PCDHA13: variants seen among roughly 807,000 people sequenced by gnomAD.
PCDHA13 encodes protocadherin alpha-13.
In PCDHA13, 54 loss-of-function variants were observed where a neutral mutation model predicts 64.8. The ratio of observed to expected loss-of-function variants is 0.83; its 90% CI spans 0.67 to 1.04. PCDHA13 has a LOEUF of 1.04. Ranked by LOEUF, PCDHA13 falls within the 50% of genes least tolerant of loss-of-function variation. PCDHA13 has a pLI of 0.00. For synonymous variants in PCDHA13, 587 were observed against 564.4 expected, an observed-to-expected ratio of 1.04 and a Z score of -0.57; for missense variants, 1,248 against 1,254.3, an observed-to-expected ratio of 0.99 and a Z score of 0.08.
In PCDHA13 at chr5:140,950,226, T is replaced by A. The variant is rs1478539445; in HGVS notation, c.2395-28723T>A. ...TGTTTACCTAGTCATTTACCATTTC[T>A]AGTGCCATTAATTTGTTCCTAAAGA... On this transcript the variant is annotated intron_variant, in intron 1 of 3. Coordinates refer to ENST00000289272, the MANE Select transcript of PCDHA13 (RefSeq NM_018904.3). 5.9e-5 allele frequency among the ~76,000 whole-genome samples: 9 copies of A among 152,018 alleles called. No homozygotes were observed. The East Asian group carries it at 1.7e-3, about 29-fold the overall frequency.
chr5:140,962,939 C>CA (rs2095722674), intron 1 of PCDHA13, among the ~76,000 whole-genome samples: 1 of 152,134 alleles, frequency 6.6e-6, no homozygotes, highest in African/African-American at 2.4e-5. Context: ...ACCTCCTCTC[C>CA]ATAAGATATG....
intron 1 of PCDHA13, among the ~76,000 whole-genome samples, chr5:140,949,684 C>T (rs116815984): frequency 0.023 from 3,563 of 151,738 alleles, 50 homozygotes; most frequent in Middle Eastern, 0.051. Context: ...CTTGTTGAAG[C>T]GTATTGTTGG....
chr5:140,974,944 T>C (rs1216786290), intron 1 of PCDHA13, among the ~76,000 whole-genome samples: 1 of 152,210 alleles, frequency 6.6e-6, no homozygotes, highest in African/African-American at 2.4e-5. Context: ...ACCTATTTGT[T>C]ATCTCACAGT....
Position 140,883,771 on chromosome 5 carries a change from G to A in PCDHA13, c.1503G>A (p.Glu501=), listed in dbSNP as rs782418376. 6.8e-6 allele frequency: 11 copies of A among 1,612,346 alleles called. No homozygotes were observed. The highest frequency in any genetic ancestry group is 1.3e-5 in the African/African-American group (1 of 74,862). The change falls in exon 1 of 4, where the codon GAG becomes GAA. Residue 501 remains glutamate (E), a synonymous_variant. Coordinates refer to ENST00000289272, the MANE Select transcript of PCDHA13 (RefSeq NM_018904.3). ...SYSLVERRVG[E]RALSSYVSVH... is the part of the protein sequence containing the mutation. ...CGCTGGTGGAGCGGCGGGTGGGCGA[G>A]CGTGCGCTGTCGAGCTACGTGTCGG...
intron 1 of PCDHA13, among the ~76,000 whole-genome samples, chr5:140,946,909 C>G (rs1290458457): frequency 6.6e-6 from 1 of 151,234 alleles, no homozygotes; most frequent in Non-Finnish European, 1.5e-5. Flanking sequence ...AGAATAAGTT[C>G]TGGTGTTTTA....
At chr5:140,893,987 T>A (rs112405686) in intron 1 of PCDHA13, among the ~76,000 whole-genome samples, 1 of 152,202 alleles carries the variant, frequency 6.6e-6, no homozygotes, top group Non-Finnish European at 1.5e-5. Context: ...TTTTAAAATA[T>A]CTCCAATTGT....
chr5:140,907,412 A>G (rs889699438), intron 1 of PCDHA13, among the ~76,000 whole-genome samples: 5 of 152,232 alleles, frequency 3.3e-5, no homozygotes, highest in Non-Finnish European at 7.3e-5. Flanking sequence ...GAATACCACG[A>G]TGGTGGATAA....
At chr5:140,922,016 AT>A (rs1213488839) in intron 1 of PCDHA13, among the ~76,000 whole-genome samples, 20 of 152,076 alleles carry the variant, frequency 1.3e-4, no homozygotes, top group Admixed American at 1.2e-3. Flanking sequence ...GTTTAAAAAA[AT>A]AAATATAAAA....
rs782034471 is a variant in PCDHA13 at position 141,010,170 on chromosome 5, T to G, written c.*233T>G. ...TCCACTCTGGCTTGTTTTCAGAACCTAAAAAGCAGACCCAAGTTTCCTTTC... is the reference window on the plus strand; with the variant it reads ...TCCACTCTGGCTTGTTTTCAGAACCGAAAAAGCAGACCCAAGTTTCCTTTC... On this transcript the variant is annotated 3_prime_UTR_variant, in exon 4 of 4. Transcript: ENST00000289272. 6.4e-7 allele frequency: 1 copy of G among 1,559,590 alleles called. No individual in the cohort carries two copies.
chr5:140,901,899 T>C (rs1439841120), intron 1 of PCDHA13, among the ~76,000 whole-genome samples: 2 of 152,152 alleles, frequency 1.3e-5, no homozygotes, highest in Non-Finnish European at 2.9e-5. Flanking sequence ...ATATTTTTCA[T>C]TGTGGAGATC....
At chr5:140,903,429 G>T (rs782504374) in intron 1 of PCDHA13, among the ~76,000 whole-genome samples, 2 of 152,180 alleles carry the variant, frequency 1.3e-5, no homozygotes, top group South Asian at 4.1e-4. Context: ...AGCACAATAT[G>T]TATCAGTGGA....
intron 1 of PCDHA13, chr5:140,929,119 G>T (rs2085835460): frequency 1.2e-6 from 2 of 1,614,192 alleles, no homozygotes; most frequent in Non-Finnish European, 1.7e-6. Context: ...AGCCACCATA[G>T]ATGTCACTAC....
In PCDHA13 at chr5:140,897,362, T is replaced by C. The variant is rs1395353589; in HGVS notation, c.2394+12700T>C. Among the ~76,000 whole-genome samples the C allele has an allele frequency of 2.5e-5, 3 of 120,464 alleles. No homozygotes were observed. The East Asian group carries it at 7.6e-4, about 30-fold the overall frequency. 79.0% of individuals were successfully genotyped at this position (120,464 alleles called of 152,430 possible). ...CCCCACCCCACAACTGTCCCCAGAG[T>C]GTGATGTTCCCTTCCCCTTCCTGTG... On this transcript the variant is annotated intron_variant, in intron 1 of 3. Coordinates refer to ENST00000289272, the MANE Select transcript of PCDHA13 (RefSeq NM_018904.3).
intron 1 of PCDHA13, among the ~76,000 whole-genome samples, chr5:140,962,957 C>T (rs915413264): frequency 1.3e-5 from 2 of 152,014 alleles, no homozygotes; most frequent in Non-Finnish European, 2.9e-5. Flanking sequence ...ATGCTCTATC[C>T]CTATATAGGA....
intron 3 of PCDHA13, among the ~76,000 whole-genome samples, chr5:141,000,414 TA>T (rs1441995674): frequency 2.8e-4 from 28 of 99,544 alleles, no homozygotes; most frequent in African/African-American, 3.7e-4. Flanking sequence ...TATATATATA[TA>T]TATATATTTT....
rs2098419648 is a variant in PCDHA13 at position 141,011,160 on chromosome 5, A to AT, written c.*1224dup. The AT allele has an allele frequency of 6.5e-6, 1 of 153,706 alleles. No homozygotes were observed. The highest frequency in any genetic ancestry group is 2.4e-5 in the African/African-American group (1 of 41,436). 9.5% of individuals were successfully genotyped at this position (153,706 alleles called of 1,614,324 possible). A position where few individuals can be genotyped will look rare whatever the true frequency, so the allele number is the denominator to read the frequency against. ...TACACAACCTTCTCTAACCAACTAT[A>AT]TATCAAGACCCAAAAATTGAAGAAA... On this transcript the variant is annotated 3_prime_UTR_variant, in exon 4 of 4. Coordinates refer to ENST00000289272, the MANE Select transcript of PCDHA13 (RefSeq NM_018904.3).
rs548429892 is a variant in PCDHA13 at position 140,891,971 on chromosome 5, G to A, written c.2394+7309G>A. Among the ~76,000 whole-genome samples the A allele has an allele frequency of 9.9e-5, 15 of 152,232 alleles. No homozygotes were observed. In the South Asian group the frequency reaches 1.9e-3, roughly 19 times the overall value. On this transcript the variant is annotated intron_variant, in intron 1 of 3. Transcript: ENST00000289272. ...CCAGAATTGTGAGAAGTAAATTTCC[G>A]TTCTCATAAATTACTCAGTCTGTGG...
intron 3 of PCDHA13, among the ~76,000 whole-genome samples, chr5:141,006,540 A>T (rs868906531): frequency 1.6e-4 from 25 of 152,182 alleles, no homozygotes; most frequent in Admixed American, 3.3e-4. Context: ...AAAGAGAGAC[A>T]TTAAGAAATA....
intron 1 of PCDHA13, chr5:140,969,141 G>A: frequency 6.2e-7 from 1 of 1,614,158 alleles, no homozygotes; most frequent in South Asian, 1.1e-5. Flanking sequence ...AAGACCTACT[G>A]CTACAAGGCC....
Sources: gnomAD v4.1 joint callset for allele counts (sites outside exome capture counted in the v4.1 genomes callset) on GRCh38, gnomAD v4.1.1 for gene constraint, MANE v1.5 for transcripts, NCBI Gene and HGNC (gene_info 2026-07-23, HGNC 2026-07-21) for gene names.